The following HYAL4 variants were observed in gnomAD, a reference collection of about 807,000 sequenced individuals.
HYAL4 encodes the protein hyaluronidase 4.
Under a neutral mutation model 35.2 loss-of-function variants are expected in HYAL4, and 37 were observed. The ratio of observed to expected loss-of-function variants is 1.05; its 90% CI spans 0.81 to 1.38. The LOEUF (loss-of-function observed/expected upper bound fraction) is 1.38. Ranked by LOEUF, HYAL4 falls within the 40% of genes most tolerant of loss-of-function variation. HYAL4 has a pLI of 0.00. For missense variants in HYAL4, 572 were observed against 572.4 expected, an observed-to-expected ratio of 1.00 and a Z score of 0.01; for synonymous variants, 198 against 203.2, an observed-to-expected ratio of 0.97 and a Z score of 0.22.
At chr7:123,838,213 C>T (rs1805997729) in intron 1 of HYAL4, among the ~76,000 whole-genome samples, 2 of 151,542 alleles carry the variant, frequency 1.3e-5, no homozygotes, top group South Asian at 4.2e-4. Flanking sequence ...CTGTTGTTTA[C>T]CTCTACCATA....
chr7:123,817,753 A>C, the HYAL4 span, among the ~76,000 whole-genome samples: 5 of 150,298 alleles, frequency 3.3e-5, no homozygotes, highest in Non-Finnish European at 7.4e-5. Context: ...CAGGTGATCC[A>C]CCCGCCTCAG....
chr7:123,774,664 C>T, the HYAL4 span, among the ~76,000 whole-genome samples: 58 of 152,260 alleles, frequency 3.8e-4, no homozygotes, highest in African/African-American at 1.1e-3. Flanking sequence ...ATTTCCATTA[C>T]GATAAAGTCC....
At chr7:123,773,949 G>T in the HYAL4 span, among the ~76,000 whole-genome samples, 3 of 151,490 alleles carry the variant, frequency 2.0e-5, no homozygotes, top group Non-Finnish European at 4.4e-5. Context: ...ATGCATGGCA[G>T]TCTGCTAGGC....
the HYAL4 span, among the ~76,000 whole-genome samples, chr7:123,822,000 T>G: frequency 3.3e-5 from 5 of 152,212 alleles, no homozygotes; most frequent in African/African-American, 4.8e-5. Context: ...TTCCTGTGAC[T>G]TGTATATCTT....
upstream of HYAL4, among the ~76,000 whole-genome samples, chr7:123,840,595 G>A (rs1035567510): frequency 7.9e-5 from 12 of 151,872 alleles, no homozygotes; most frequent in African/African-American, 2.7e-4. Context: ...CCATTTTCAC[G>A]GTATTGATTC....
the HYAL4 span, among the ~76,000 whole-genome samples, chr7:123,767,588 T>TA: frequency 3.9e-5 from 6 of 151,904 alleles, no homozygotes; most frequent in Admixed American, 6.6e-5. Flanking sequence ...ACAAAACAAA[T>TA]AAAAAAAACT....
At chr7:123,791,312 A>T in the HYAL4 span, among the ~76,000 whole-genome samples, 1 of 152,166 alleles carries the variant, frequency 6.6e-6, no homozygotes, top group Non-Finnish European at 1.5e-5. Flanking sequence ...TAATTTCTTT[A>T]TCTGTAAAAA....
chr7:123,820,467 C>T, the HYAL4 span, among the ~76,000 whole-genome samples: 1 of 151,690 alleles, frequency 6.6e-6, no homozygotes, highest in Admixed American at 6.6e-5. Flanking sequence ...CCTGTAATCC[C>T]AGCTACTCAG....
At chr7:123,790,078 C>T in the HYAL4 span, among the ~76,000 whole-genome samples, 25 of 152,124 alleles carry the variant, frequency 1.6e-4, no homozygotes, top group African/African-American at 3.9e-4. Context: ...TTCTTTGAGG[C>T]GGGGGAAACC....
chr7:123,833,257 T>C (rs1240773284), intron 1 of HYAL4, among the ~76,000 whole-genome samples: 2 of 152,210 alleles, frequency 1.3e-5, no homozygotes, highest in Non-Finnish European at 2.9e-5. Flanking sequence ...TTTTTGATTT[T>C]TTGATGACGG....
At chr7:123,875,029 A>G (rs1360058616) in intron 4 of HYAL4, among the ~76,000 whole-genome samples, 179 bp downstream of exon 4, 1 of 152,236 alleles carries the variant, frequency 6.6e-6, no homozygotes, top group Non-Finnish European at 1.5e-5. Context: ...AGTAATCATA[A>G]CACTGACATT....
upstream of HYAL4, among the ~76,000 whole-genome samples, chr7:123,828,615 A>T (rs1192944575): frequency 6.6e-6 from 1 of 152,222 alleles, no homozygotes; most frequent in Non-Finnish European, 1.5e-5. Flanking sequence ...TTTCACAATT[A>T]AAGTTCAATT....
intron 2 of HYAL4, among the ~76,000 whole-genome samples, chr7:123,853,087 G>C (rs1204776637): frequency 1.3e-5 from 2 of 152,152 alleles, no homozygotes; most frequent in African/African-American, 4.8e-5. Context: ...CATTGATTTT[G>C]TATCCTGAGA....
At chr7:123,772,666 G>A in the HYAL4 span, among the ~76,000 whole-genome samples, 1 of 152,206 alleles carries the variant, frequency 6.6e-6, no homozygotes, top group Non-Finnish European at 1.5e-5. Context: ...ATTATCTGAT[G>A]CATGTGGTGT....
chr7:123,780,430 C>T, the HYAL4 span, among the ~76,000 whole-genome samples: 1 of 152,118 alleles, frequency 6.6e-6, no homozygotes, highest in South Asian at 2.1e-4. Flanking sequence ...AGATAATGTA[C>T]AGAAAAGACT....
chr7:123,868,229 T>C lies in HYAL4; in HGVS notation c.-45T>C, dbSNP rs768468410. On this transcript the variant is annotated 5_prime_UTR_variant, in exon 3 of 5. Coordinates refer to ENST00000223026, the MANE Select transcript of HYAL4 (RefSeq NM_012269.3). ...AAATTAAATCTCTCCACAGGTCTTC[T>C]AGAGTGCACTAAAGCAGAAGATAAC... 1 of 1,087,372 alleles carries C rather than the reference T, an allele frequency of 9.2e-7. No individual in the cohort carries two copies. The highest frequency in any genetic ancestry group is 1.6e-5 in the African/African-American group (1 of 63,562). 67.4% of individuals were successfully genotyped at this position (1,087,372 alleles called of 1,614,324 possible).
chr7:123,819,788 A>G, the HYAL4 span, among the ~76,000 whole-genome samples: 1 of 152,222 alleles, frequency 6.6e-6, no homozygotes, highest in South Asian at 2.1e-4. Context: ...ATTAAATGGC[A>G]TAATATATAT....
At chr7:123,793,987 A>G in the HYAL4 span, among the ~76,000 whole-genome samples, 1 of 152,208 alleles carries the variant, frequency 6.6e-6, no homozygotes, top group Admixed American at 6.5e-5. Context: ...GATGTGAGAA[A>G]GTTTGGAATT....
At chr7:123,870,041 C>T (rs1806836785) in intron 3 of HYAL4, among the ~76,000 whole-genome samples, 1 of 152,182 alleles carries the variant, frequency 6.6e-6, no homozygotes, top group Admixed American at 6.5e-5. Flanking sequence ...TGAGAAGACT[C>T]AGGACTTGTG....
Sources: gnomAD v4.1 joint callset for allele counts (sites outside exome capture counted in the v4.1 genomes callset) on GRCh38, gnomAD v4.1.1 for gene constraint, MANE v1.5 for transcripts, NCBI Gene and HGNC (gene_info 2026-07-23, HGNC 2026-07-21) for gene names.